RIMS3: variants seen among roughly 807,000 people sequenced by gnomAD.
RIMS3 encodes the protein regulating synaptic membrane exocytosis 3.
A neutral mutation model predicts 29.2 loss-of-function variants in RIMS3; 15 were observed. That is an observed-to-expected ratio of 0.51 (90% CI 0.34 to 0.79). The LOEUF (loss-of-function observed/expected upper bound fraction) is 0.79. Among genes scored for constraint, RIMS3 ranks in the 30% least tolerant of loss-of-function variants. The pLI is 0.01. For synonymous variants in RIMS3, 161 were observed against 170.1 expected, an observed-to-expected ratio of 0.95 and a Z score of 0.41; for missense variants, 342 against 421.4, an observed-to-expected ratio of 0.81 and a Z score of 1.65.
rs138274213 is a variant in RIMS3, at chr1:40,649,206, C to T, written c.-206-1364G>A. Among the ~76,000 whole-genome samples the T allele has an allele frequency of 3.7e-3, 552 of 149,358 alleles. 6 individuals are homozygous for T. Among genetic ancestry groups the T allele is most frequent in the African/African-American group, 0.013 (535 of 39,984 alleles). On this transcript the variant is annotated intron_variant, in intron 1 of 7. Transcript: ENST00000372684. ...GCACAGACACACACACACACACACA[C>T]GTGCACACACACATGCAGGAAGAGA... is the stretch of plus-strand genomic sequence containing the variant.
chr1:40,683,344 G>C, the RIMS3 span, among the ~76,000 whole-genome samples: 1 of 152,216 alleles, frequency 6.6e-6, no homozygotes, highest in East Asian at 1.9e-4. Context: ...GAGGTCACGA[G>C]GGCTCTGCCC....
In RIMS3 at chr1:40,641,700, C is replaced by T; in HGVS notation, c.217+9G>A. ...CACCTCTACCCCGTGATGTCCCATG[C>T]CCCCTCACCAGGCTGCGGAAGCTGG... On this transcript the variant is annotated intron_variant, in intron 3 of 7. Coordinates refer to ENST00000372684, the MANE Select transcript of RIMS3 (RefSeq NM_014747.3). The T allele has an allele frequency of 2.5e-6, 4 of 1,613,750 alleles. No homozygotes were observed. The highest frequency in any genetic ancestry group is 3.4e-6 in the Non-Finnish European group (4 of 1,179,726).
intron 1 of RIMS3, among the ~76,000 whole-genome samples, chr1:40,657,189 C>A (rs1452150622): frequency 6.7e-6 from 1 of 150,068 alleles, no homozygotes; most frequent in East Asian, 2.0e-4. Context: ...ACAGAGCTAG[C>A]TACACAGGGG....
At chr1:40,690,850 CTTG>C in the RIMS3 span, 1 of 152,220 alleles carries the variant, frequency 6.6e-6, no homozygotes, top group Non-Finnish European at 1.5e-5. Context: ...CCTCTCTGCG[CTTG>C]TTACCTAATG....
upstream of RIMS3, among the ~76,000 whole-genome samples, chr1:40,667,130 C>T (rs1415764561): frequency 7.2e-5 from 11 of 152,248 alleles, no homozygotes; most frequent in Admixed American, 5.2e-4. Flanking sequence ...CTACGCCTTC[C>T]CTTCTCACCT....
intron 1 of RIMS3, among the ~76,000 whole-genome samples, chr1:40,657,127 G>A (rs557992878): frequency 1.8e-4 from 28 of 152,292 alleles, no homozygotes; most frequent in South Asian, 6.2e-4. Context: ...TATCTTCCCC[G>A]TTTCTGAATG....
intron 1 of RIMS3, among the ~76,000 whole-genome samples, chr1:40,650,925 G>A (rs1646628431): frequency 6.9e-6 from 1 of 145,146 alleles, no homozygotes; most frequent in Non-Finnish European, 1.5e-5. Flanking sequence ...CTGTCTGCCT[G>A]GCATACCTTC....
the RIMS3 span, among the ~76,000 whole-genome samples, chr1:40,689,025 A>G: frequency 6.6e-6 from 1 of 152,224 alleles, no homozygotes; most frequent in East Asian, 1.9e-4. Flanking sequence ...TCATGGTTGT[A>G]TTAGTCTGCT....
At chr1:40,659,089 G>T (rs535074818) in intron 1 of RIMS3, among the ~76,000 whole-genome samples, 2 of 152,146 alleles carry the variant, frequency 1.3e-5, no homozygotes, top group Non-Finnish European at 2.9e-5. Flanking sequence ...GGGGAGGAGC[G>T]GAAGGGCTCC....
rs900473689 is a variant in RIMS3 at position 40,665,537 on chromosome 1, G to A, written c.-350C>T. On this transcript the variant is annotated 5_prime_UTR_variant, in exon 1 of 8. Transcript: ENST00000372684. Reference sequence around the variant, plus strand: ...CCGGCCCCAGGCTGGCGCGGACTCCGAGTGGATAGGCACGCGGGGCGGGGA... The same window carrying A: ...CCGGCCCCAGGCTGGCGCGGACTCCAAGTGGATAGGCACGCGGGGCGGGGA... 1 of 152,184 alleles carries A rather than the reference G, an allele frequency of 6.6e-6. No homozygotes were observed. Among genetic ancestry groups the A allele is most frequent in the Non-Finnish European group, 1.5e-5 (1 of 68,038 alleles). 9.4% of individuals were successfully genotyped at this position (152,184 alleles called of 1,614,324 possible). A position where few individuals can be genotyped will look rare whatever the true frequency, so the allele number is the denominator to read the frequency against.
At chr1:40,669,374 A>T (rs1279973667), upstream of RIMS3, 2 of 152,230 alleles carry the variant, frequency 1.3e-5, no homozygotes, top group Non-Finnish European at 2.9e-5. Context: ...TCTTAATGTA[A>T]TAAAGCCAAA....
In RIMS3 at chr1:40,654,238, G is replaced by T. The variant is rs1220971771; in HGVS notation, c.-206-6396C>A. ...TGGGGGGAAGGGGCTCCAGTTACCA[G>T]CCCCGCACCAAGCCGGAAGGCGCCG... On this transcript the variant is annotated intron_variant, in intron 1 of 7. Transcript: ENST00000372684. The surrounding 1 kb of genome is among the most constrained non-coding windows in gnomAD (Gnocchi z 5.3). Among the ~76,000 whole-genome samples, 8 of 150,878 alleles carry T rather than the reference G, an allele frequency of 5.3e-5. No homozygotes were observed. Among genetic ancestry groups the T allele is most frequent in the Non-Finnish European group, 1.2e-4 (8 of 67,634 alleles).
chr1:40,633,224 C>T, intron 4 of RIMS3, 43 bp from the exon 5 acceptor site: 1 of 1,497,176 alleles, frequency 6.7e-7, no homozygotes, highest in Non-Finnish European at 9.3e-7. Context: ...GTCAGGGCAA[C>T]CTGAGGATGA....
At chr1:40,634,094 A>T (rs1373978563) in intron 4 of RIMS3, among the ~76,000 whole-genome samples, 1 of 152,048 alleles carries the variant, frequency 6.6e-6, no homozygotes, top group East Asian at 1.9e-4. Flanking sequence ...CAGATGAGGG[A>T]GGGTTGGCCC....
Position 40,626,462 on chromosome 1 carries a change from T to G in RIMS3, c.*55A>C. Reference sequence around the variant, plus strand: ...CGAAGACTATGTACAGGGGAGGACATGGGGCCAGCAGGCACCCCTCCCCAC... The same window carrying G: ...CGAAGACTATGTACAGGGGAGGACAGGGGGCCAGCAGGCACCCCTCCCCAC... On this transcript the variant is annotated 3_prime_UTR_variant, in exon 8 of 8. Coordinates refer to ENST00000372684, the MANE Select transcript of RIMS3 (RefSeq NM_014747.3). 6.9e-7 allele frequency: 1 copy of G among 1,457,602 alleles called. No homozygotes were observed. The highest frequency in any genetic ancestry group is 9.4e-7 in the Non-Finnish European group (1 of 1,060,718). The allele number at this position is 1,457,602 out of a possible 1,614,324, so 90.3% of individuals were successfully genotyped here.
intron 2 of RIMS3, 63 bp downstream of exon 2, chr1:40,647,605 G>A (rs1646603805): frequency 6.6e-6 from 1 of 152,128 alleles, no homozygotes; most frequent in South Asian, 2.1e-4. Context: ...CTAACTCTCA[G>A]GTCTCACATC....
At chr1:40,642,598 A>G (rs1646565730) in intron 2 of RIMS3, among the ~76,000 whole-genome samples, 1 of 152,178 alleles carries the variant, frequency 6.6e-6, no homozygotes. Context: ...CCTTCCATGC[A>G]GTTTTTAAAA....
At chr1:40,673,620 C>A in the RIMS3 span, among the ~76,000 whole-genome samples, 1 of 152,226 alleles carries the variant, frequency 6.6e-6, no homozygotes, top group African/African-American at 2.4e-5. Flanking sequence ...GTGGCTTCCT[C>A]TGTTTACAGT....
chr1:40,666,180 A>G (rs1178895805), upstream of RIMS3, among the ~76,000 whole-genome samples: 1 of 152,232 alleles, frequency 6.6e-6, no homozygotes, highest in Non-Finnish European at 1.5e-5. Context: ...TGTCCCTTTC[A>G]GACAGAAGGA....
Sources: gnomAD v4.1 joint callset for allele counts (sites outside exome capture counted in the v4.1 genomes callset) on GRCh38, gnomAD v4.1.1 for gene constraint, Gnocchi (gnomAD v3.1) non-coding constraint, MANE v1.5 for transcripts, NCBI Gene and HGNC (gene_info 2026-07-23, HGNC 2026-07-21) for gene names.